INPP4B: variants seen among roughly 807,000 people sequenced by gnomAD.
The protein encoded by INPP4B is inositol polyphosphate-4-phosphatase type II B.
In INPP4B, 55 loss-of-function variants were observed where a neutral mutation model predicts 122.5. That is an observed-to-expected ratio of 0.45 (90% CI 0.36 to 0.56). The LOEUF is 0.56. INPP4B is among the 20% of genes least tolerant of loss of function. The pLI is 0.00. For missense variants in INPP4B, 1,000 were observed against 1,097.7 expected (o/e 0.91, Z 1.26); for synonymous variants, 403 against 388.7 (o/e 1.04, Z -0.43).
intron 1 of INPP4B, among the ~76,000 whole-genome samples, chr4:142,747,773 GA>G (rs1219196077): frequency 1.3e-5 from 2 of 151,996 alleles, no homozygotes; most frequent in Non-Finnish European, 2.9e-5. Context: ...CACAAAAACA[GA>G]AAACCAAACA....
intron 2 of INPP4B, among the ~76,000 whole-genome samples, chr4:142,714,958 T>A (rs1030858528): frequency 3.5e-4 from 53 of 152,102 alleles, no homozygotes; most frequent in African/African-American, 1.2e-3. Context: ...AACAAGAAAA[T>A]AAACAATTGT....
intron 23 of INPP4B, among the ~76,000 whole-genome samples, chr4:142,100,461 T>C (rs1400884223): frequency 1.3e-5 from 2 of 152,132 alleles, no homozygotes; most frequent in Non-Finnish European, 2.9e-5. Flanking sequence ...AGCACCTGGG[T>C]TAGTAGCAAC....
intron 7 of INPP4B, among the ~76,000 whole-genome samples, chr4:142,396,474 AG>A (rs1332523169): frequency 6.6e-6 from 1 of 152,142 alleles, no homozygotes; most frequent in Non-Finnish European, 1.5e-5. Flanking sequence ...CATGTGTTGG[AG>A]GAGAAACTGG....
At chr4:142,829,930 A>G (rs1781912877) in intron 1 of INPP4B, among the ~76,000 whole-genome samples, 1 of 152,192 alleles carries the variant, frequency 6.6e-6, no homozygotes, top group Admixed American at 6.6e-5. Flanking sequence ...AGATAATTAA[A>G]ACATTTAATT....
At chr4:142,355,564 T>C (rs538474499) in intron 7 of INPP4B, among the ~76,000 whole-genome samples, 38 of 152,198 alleles carry the variant, frequency 2.5e-4, no homozygotes, top group African/African-American at 7.9e-4. Context: ...GGCACAGGCA[T>C]GTTTCATAGA....
chr4:142,075,741 C>T (rs1229009726), intron 25 of INPP4B, among the ~76,000 whole-genome samples: 2 of 151,914 alleles, frequency 1.3e-5, no homozygotes, highest in Non-Finnish European at 2.9e-5. Context: ...TTTAAGTCAT[C>T]TCATTTATCA....
intron 8 of INPP4B, 61 bp downstream of exon 8, chr4:142,314,651 A>T: frequency 6.7e-7 from 1 of 1,488,850 alleles, no homozygotes; most frequent in Non-Finnish European, 9.2e-7. Context: ...GGCCAGAGAA[A>T]ATCCAAATGA....
rs528295457 is a variant in INPP4B, at chr4:142,501,944, A to G, written c.-190-39218T>C. Among the ~76,000 whole-genome samples the G allele has an allele frequency of 3.9e-5, 6 of 152,254 alleles. No homozygotes were observed. The East Asian group carries it at 1.2e-3, about 29-fold the overall frequency. On this transcript the variant is annotated intron_variant, in intron 2 of 25. Transcript: ENST00000262992. Reference sequence around the variant, plus strand: ...TCCCCCTCCACCTCCACCCGTGAGCATGGAAGTCAAGGAAAATCTCCACTT... The same window carrying G: ...TCCCCCTCCACCTCCACCCGTGAGCGTGGAAGTCAAGGAAAATCTCCACTT...
At chr4:142,536,919 C>T (rs1478281254) in intron 2 of INPP4B, among the ~76,000 whole-genome samples, 1 of 152,126 alleles carries the variant, frequency 6.6e-6, no homozygotes, top group East Asian at 1.9e-4. Flanking sequence ...GCCTCAGCCT[C>T]CCAAGTAGCT....
At chr4:142,408,280 T>C (rs982967853) in intron 5 of INPP4B, among the ~76,000 whole-genome samples, 1 of 147,064 alleles carries the variant, frequency 6.8e-6, no homozygotes. Flanking sequence ...AGTGAATGGG[T>C]GAGGTGGCTT....
chr4:142,111,150 G>T (rs1789816698), intron 22 of INPP4B, among the ~76,000 whole-genome samples: 2 of 152,014 alleles, frequency 1.3e-5, no homozygotes, highest in Non-Finnish European at 2.9e-5. Flanking sequence ...AATATGCTAG[G>T]TACTTTTAAA....
At chr4:142,558,657 G>C (rs539212089) in intron 2 of INPP4B, among the ~76,000 whole-genome samples, 200 of 62,860 alleles carry the variant, frequency 3.2e-3, no homozygotes, top group Non-Finnish European at 4.5e-3. Context: ...GTGGGTGTTG[G>C]GGGGGCAGTG....
chr4:142,748,675 A>T (rs555894950), intron 1 of INPP4B, among the ~76,000 whole-genome samples: 70 of 152,168 alleles, frequency 4.6e-4, no homozygotes, highest in African/African-American at 1.6e-3. Flanking sequence ...TCAGAAAAAA[A>T]AAATAGAAAA....
intron 2 of INPP4B, among the ~76,000 whole-genome samples, chr4:142,642,978 C>T (rs529559445): frequency 6.6e-6 from 1 of 152,190 alleles, no homozygotes; most frequent in Admixed American, 6.5e-5. Context: ...TGAAGAGGTC[C>T]TTCACATCCC....
intron 25 of INPP4B, among the ~76,000 whole-genome samples, chr4:142,036,479 G>A (rs1744051566): frequency 1.3e-5 from 2 of 152,166 alleles, no homozygotes; most frequent in South Asian, 2.1e-4. Context: ...CCTGGCTGAG[G>A]AGTAGAGCAT....
At chr4:142,481,188 C>T (rs1238295810) in intron 2 of INPP4B, among the ~76,000 whole-genome samples, 1 of 150,298 alleles carries the variant, frequency 6.7e-6, no homozygotes, top group African/African-American at 2.4e-5. Context: ...TCTTCTGAAC[C>T]TACTACAAAT....
In INPP4B at chr4:142,074,369, C is replaced by CT. The variant is rs1413969957; in HGVS notation, c.2642+7661dup. On this transcript the variant is annotated intron_variant, in intron 25 of 25. Transcript: ENST00000262992. ...AAATATAACTTAAACAAAGATAGCA[C>CT]TTTTCATCCATCAGATGGTTAAAAA... is the stretch of plus-strand genomic sequence containing the variant. 2.8e-4 allele frequency among the ~76,000 whole-genome samples: 42 copies of CT among 152,158 alleles called. 1 individual carries two copies. Among genetic ancestry groups the CT allele is most frequent in the Middle Eastern group, 6.8e-3 (2 of 294 alleles).
At position 142,652,702 on chromosome 4, in the gene INPP4B, G is replaced by A. The variant is rs375746712; in HGVS notation, c.-191+73137C>T. Among the ~76,000 whole-genome samples, 23 of 152,208 alleles carry A rather than the reference G, an allele frequency of 1.5e-4. No individual in the cohort carries two copies. In the East Asian group the frequency reaches 4.1e-3, roughly 27 times the overall value. ...GAAGAACTGCAAACCACTGCTCAAC[G>A]AAATAAAAGAGGACACAAACAAATG... On this transcript the variant is annotated intron_variant, in intron 2 of 25. Coordinates refer to ENST00000262992, the MANE Select transcript of INPP4B (RefSeq NM_001101669.3).
At chr4:142,476,436 G>T (rs1413811735) in intron 2 of INPP4B, among the ~76,000 whole-genome samples, 1 of 152,104 alleles carries the variant, frequency 6.6e-6, no homozygotes, top group African/African-American at 2.4e-5. Flanking sequence ...AATCAAGTCT[G>T]CATGATAACC....
Sources: gnomAD v4.1 joint callset for allele counts (sites outside exome capture counted in the v4.1 genomes callset) on GRCh38, gnomAD v4.1.1 for gene constraint, MANE v1.5 for transcripts, NCBI Gene and HGNC (gene_info 2026-07-23, HGNC 2026-07-21) for gene names.